CSMD1: variants seen among roughly 807,000 people sequenced by gnomAD.
The protein encoded by CSMD1 is CUB and sushi domain-containing protein 1.
Under a neutral mutation model 417.5 loss-of-function variants are expected in CSMD1, and 213 were observed. The ratio of observed to expected loss-of-function variants is 0.51; its 90% CI spans 0.46 to 0.57. CSMD1 has a LOEUF of 0.57. CSMD1 is among the 20% of genes least tolerant of loss of function. CSMD1 has a pLI of 0.00. For missense variants in CSMD1, 6,923 were observed against 4,529.7 expected (o/e 1.53, Z -15.17); for synonymous variants, 2,862 against 1,736.8 (o/e 1.65, Z -16.11).
At chr8:3,563,876 T>C (rs1799581560) in intron 10 of CSMD1, among the ~76,000 whole-genome samples, 1 of 152,064 alleles carries the variant, frequency 6.6e-6, no homozygotes, top group African/African-American at 2.4e-5. Flanking sequence ...GTGACAGAAC[T>C]AGACTCCGTC....
intron 4 of CSMD1, among the ~76,000 whole-genome samples, chr8:4,031,699 G>A (rs943943029): frequency 6.6e-6 from 1 of 151,984 alleles, no homozygotes; most frequent in African/African-American, 2.4e-5. Context: ...ATACTAACAT[G>A]CAATATTAAA....
intron 48 of CSMD1, among the ~76,000 whole-genome samples, chr8:3,090,493 G>A (rs1375891945): frequency 1.3e-5 from 2 of 152,050 alleles, no homozygotes; most frequent in African/African-American, 2.4e-5. Flanking sequence ...CTCACATCAA[G>A]GGCCTTTCAA....
At chr8:3,127,426 C>T (rs930692314) in intron 41 of CSMD1, 1 of 152,160 alleles carries the variant, frequency 6.6e-6, no homozygotes, top group African/African-American at 2.4e-5. Context: ...GGTTTGTATA[C>T]AAGCAACAGT....
chr8:3,317,161 C>T (rs1243622500), intron 23 of CSMD1, among the ~76,000 whole-genome samples: 1 of 152,154 alleles, frequency 6.6e-6, no homozygotes, highest in Non-Finnish European at 1.5e-5. Context: ...GAATCATCAG[C>T]ATTGTTGTCA....
intron 42 of CSMD1, chr8:3,113,064 T>C (rs147216340): frequency 1.3e-5 from 2 of 152,232 alleles, no homozygotes; most frequent in Admixed American, 6.5e-5. Flanking sequence ...GCCTGTGATC[T>C]GCCACTGCAG....
intron 3 of CSMD1, among the ~76,000 whole-genome samples, chr8:4,227,145 A>G (rs1413647307): frequency 6.6e-6 from 1 of 152,152 alleles, no homozygotes; most frequent in African/African-American, 2.4e-5. Flanking sequence ...TTTAGCCCAG[A>G]AAGCACTCAG....
rs1804618963 is a variant in CSMD1, at chr8:2,973,277, A to G, written c.8763T>C (p.Gly2921=). ...HCTGNNPGFC[G]DPGTPAHGSR... The stretch of plus-strand genomic sequence containing the variant: ...ACCCATGTGCTGGGGTCCCCGGATC[A>G]CCACAGAATCCAGGATTATTTCCTA... Residue 2921 remains glycine (G), a synonymous_variant, in exon 57 of 70, where the codon GGT becomes GGC. Transcript: ENST00000635120. 4 of 1,613,950 alleles carry G rather than the reference A, an allele frequency of 2.5e-6. No homozygotes were observed. Among genetic ancestry groups the G allele is most frequent in the Non-Finnish European group, 3.4e-6 (4 of 1,179,838 alleles).
At chr8:3,590,833 T>C (rs1266718601) in intron 8 of CSMD1, among the ~76,000 whole-genome samples, 1 of 152,214 alleles carries the variant, frequency 6.6e-6, no homozygotes, top group Non-Finnish European at 1.5e-5. Flanking sequence ...AATTTATTAA[T>C]TCAATCTTTT....
intron 1 of CSMD1, among the ~76,000 whole-genome samples, chr8:4,943,401 C>T (rs1369321455): frequency 1.3e-5 from 2 of 151,836 alleles, no homozygotes; most frequent in Non-Finnish European, 2.9e-5. Context: ...GAGGCTGAGG[C>T]AGGAGAATGG....
intron 3 of CSMD1, among the ~76,000 whole-genome samples, chr8:4,230,481 C>A (rs960834925): frequency 6.6e-6 from 1 of 152,106 alleles, no homozygotes; most frequent in East Asian, 1.9e-4. Flanking sequence ...TTAAACTCTG[C>A]TCAAAGTAGA....
At chr8:4,068,149 A>G (rs763553347) in intron 3 of CSMD1, among the ~76,000 whole-genome samples, 7 of 152,196 alleles carry the variant, frequency 4.6e-5, no homozygotes, top group Non-Finnish European at 1.0e-4. Context: ...AGAAGGGTCT[A>G]TAGAGAGTCA....
At chr8:3,649,944 A>AT (rs953497909) in intron 7 of CSMD1, among the ~76,000 whole-genome samples, 1 of 123,744 alleles carries the variant, frequency 8.1e-6, no homozygotes, top group Non-Finnish European at 1.9e-5. Context: ...ACATATTCTT[A>AT]TTTTTAAAAA....
chr8:3,355,399 T>G (rs1808714435), intron 21 of CSMD1, among the ~76,000 whole-genome samples: 1 of 152,194 alleles, frequency 6.6e-6, no homozygotes, highest in African/African-American at 2.4e-5. Context: ...GACCAAAATG[T>G]CACAAACCAT....
intron 3 of CSMD1, among the ~76,000 whole-genome samples, chr8:4,192,629 G>A (rs1340995541): frequency 1.2e-4 from 19 of 152,194 alleles, no homozygotes; most frequent in Admixed American, 1.2e-3. Context: ...ACAGCAGAGG[G>A]CATATTTGCT....
intron 46 of CSMD1, among the ~76,000 whole-genome samples, chr8:3,098,065 A>G (rs896236192): frequency 6.6e-6 from 1 of 152,264 alleles, no homozygotes; most frequent in Non-Finnish European, 1.5e-5. Flanking sequence ...TCTCCTAATT[A>G]GTAATTTCTC....
intron 6 of CSMD1, among the ~76,000 whole-genome samples, chr8:3,722,572 C>G (rs1802249272): frequency 6.6e-6 from 1 of 152,132 alleles, no homozygotes; most frequent in Non-Finnish European, 1.5e-5. Context: ...CTCCAAAATA[C>G]TGCCATTAAT....
rs373825642 is a variant in CSMD1, at chr8:3,367,150, G to A, written c.2997C>T (p.Leu999=). Residue 999 remains leucine, a synonymous_variant, in exon 20 of 70, where the codon CTC becomes CTT. Coordinates refer to ENST00000635120, the MANE Select transcript of CSMD1 (RefSeq NM_033225.6). ...DGSFSEPVAR[L]TGSVLPHTIK... ...TCGTATGAGGCAACACCGACCCGGTGAGCCTGGCAACGGGCTCGGAAAAAC... is the reference window on the plus strand; with the variant it reads ...TCGTATGAGGCAACACCGACCCGGTAAGCCTGGCAACGGGCTCGGAAAAAC... 3 of 1,613,718 alleles carry A rather than the reference G, an allele frequency of 1.9e-6. No homozygotes were observed. The highest frequency in any genetic ancestry group is 2.7e-5 in the African/African-American group (2 of 75,022).
intron 2 of CSMD1, among the ~76,000 whole-genome samples, chr8:4,478,010 A>T (rs1008921240): frequency 6.6e-5 from 10 of 152,186 alleles, no homozygotes; most frequent in African/African-American, 2.4e-4. Flanking sequence ...CCGGGAACTC[A>T]GTGAATTCTA....
chr8:2,936,546 G>T lies in CSMD1; in HGVS notation c.*2039C>A, dbSNP rs778340253. On this transcript the variant is annotated 3_prime_UTR_variant, in exon 70 of 70. Coordinates refer to ENST00000635120, the MANE Select transcript of CSMD1 (RefSeq NM_033225.6). Reference sequence around the variant, plus strand: ...GTCTACTGTGAAACAGCAATGTAAGGATTCCCACTGGCAAAGCAAATCTCC... The same window carrying T: ...GTCTACTGTGAAACAGCAATGTAAGTATTCCCACTGGCAAAGCAAATCTCC... 1.3e-5 allele frequency: 2 copies of T among 152,112 alleles called. No homozygotes were observed. Among genetic ancestry groups the T allele is most frequent in the Non-Finnish European group, 2.9e-5 (2 of 68,042 alleles). 9.4% of individuals were successfully genotyped at this position (152,112 alleles called of 1,614,324 possible). A position where few individuals can be genotyped will look rare whatever the true frequency, so the allele number is the denominator to read the frequency against.
Sources: gnomAD v4.1 joint callset for allele counts (sites outside exome capture counted in the v4.1 genomes callset) on GRCh38, gnomAD v4.1.1 for gene constraint, MANE v1.5 for transcripts, NCBI Gene and HGNC (gene_info 2026-07-23, HGNC 2026-07-21) for gene names.